Variants in HS2ST1 observed in about 807,000 individuals in gnomAD.
The protein encoded by HS2ST1 is 2-O-sulfotransferase.
HS2ST1 carries 18 observed loss-of-function variants against 42.9 expected under a neutral mutation model. That is an observed-to-expected ratio of 0.42 (90% CI 0.29 to 0.62). HS2ST1 has a LOEUF of 0.62. Ranked by LOEUF, HS2ST1 falls within the 20% of genes least tolerant of loss-of-function variation. The probability of loss-of-function intolerance (pLI) is 0.21; values close to 1 mark genes in which losing one functional copy is unlikely to be tolerated. For missense variants in HS2ST1, 334 were observed against 433.8 expected (o/e 0.77, Z 2.04); for synonymous variants, 146 against 152.9 (o/e 0.95, Z 0.33).
At chr1:86,971,483 G>A (rs61771704) in intron 1 of HS2ST1, among the ~76,000 whole-genome samples, 20,802 of 152,046 alleles carry the variant, frequency 0.14, 1,509 homozygotes, top group African/African-American at 0.18. Context: ...ACCTAGGGTG[G>A]GGTTTTATTA....
intron 1 of HS2ST1, among the ~76,000 whole-genome samples, chr1:87,005,807 AT>A (rs1341402644): frequency 6.6e-6 from 1 of 152,174 alleles, no homozygotes; most frequent in African/African-American, 2.4e-5. Context: ...GGATTCGCCT[AT>A]GATAAAATAA....
At chr1:86,945,778 T>C (rs923355749) in intron 1 of HS2ST1, among the ~76,000 whole-genome samples, 11 of 152,128 alleles carry the variant, frequency 7.2e-5, no homozygotes, top group Admixed American at 6.5e-5. Context: ...GATAACAAAA[T>C]AATTTCTTGG....
chr1:87,084,142 C>T (rs1296350829), intron 2 of HS2ST1, 52 bp from the exon 3 acceptor site: 2 of 1,180,584 alleles, frequency 1.7e-6, no homozygotes, highest in African/African-American at 1.6e-5. Context: ...TTGCTATCAT[C>T]AAATTTCATT....
chr1:86,960,118 C>T (rs1570447091), intron 1 of HS2ST1, among the ~76,000 whole-genome samples: 2 of 150,378 alleles, frequency 1.3e-5, no homozygotes, highest in Admixed American at 1.3e-4. Context: ...AGGTAGACCA[C>T]GAATATAGTA....
intron 1 of HS2ST1, among the ~76,000 whole-genome samples, chr1:87,026,689 C>G (rs2100592075): frequency 1.3e-5 from 2 of 152,158 alleles, no homozygotes; most frequent in East Asian, 1.9e-4. Context: ...CACAGGTAGA[C>G]TTTTTGCTGC....
intron 1 of HS2ST1, among the ~76,000 whole-genome samples, chr1:86,973,737 A>C (rs1648307476): frequency 6.6e-6 from 1 of 152,178 alleles, no homozygotes; most frequent in Non-Finnish European, 1.5e-5. Flanking sequence ...TATTGTAGGC[A>C]AATTATATTT....
intron 1 of HS2ST1, among the ~76,000 whole-genome samples, chr1:86,946,146 C>T (rs918487296): frequency 2.6e-5 from 4 of 152,048 alleles, no homozygotes; most frequent in African/African-American, 7.2e-5. Flanking sequence ...TTAATCCAAA[C>T]GTAGCATTGT....
intron 1 of HS2ST1, among the ~76,000 whole-genome samples, chr1:86,990,387 A>T (rs1432246517): frequency 1.3e-5 from 2 of 152,144 alleles, no homozygotes; most frequent in East Asian, 3.9e-4. Flanking sequence ...GTTCTTCAGA[A>T]ATTAAGCATC....
At chr1:87,015,348 G>GTT (rs35791774) in intron 1 of HS2ST1, among the ~76,000 whole-genome samples, 4,147 of 131,704 alleles carry the variant, frequency 0.031, 144 homozygotes, top group African/African-American at 0.085. Context: ...GCCTGGCCCT[G>GTT]TTTTTTTTTT....
chr1:87,095,278 A>C (rs1444307613), intron 4 of HS2ST1, among the ~76,000 whole-genome samples: 1 of 152,154 alleles, frequency 6.6e-6, no homozygotes, highest in African/African-American at 2.4e-5. Context: ...AATGGCGCTT[A>C]TTCTCAAAAA....
intron 1 of HS2ST1, among the ~76,000 whole-genome samples, chr1:86,981,025 C>G (rs1327383242): frequency 2.0e-5 from 3 of 151,978 alleles, no homozygotes; most frequent in Non-Finnish European, 4.4e-5. Flanking sequence ...GCTAGGGAGG[C>G]CTCAGGAAAC....
chr1:86,937,277 TATTA>T (rs952112488), intron 1 of HS2ST1, among the ~76,000 whole-genome samples: 2 of 152,138 alleles, frequency 1.3e-5, no homozygotes, highest in Non-Finnish European at 2.9e-5. Flanking sequence ...CTTCCAGAGG[TATTA>T]ATTAAGTATA....
At chr1:86,999,688 T>C (rs942639268) in intron 1 of HS2ST1, among the ~76,000 whole-genome samples, 3 of 65,732 alleles carry the variant, frequency 4.6e-5, no homozygotes, top group African/African-American at 1.0e-4. Flanking sequence ...TTTCAAATTA[T>C]GCTTTCCCCC....
At chr1:87,028,514 TA>T (rs1271234245) in intron 1 of HS2ST1, among the ~76,000 whole-genome samples, 2 of 152,248 alleles carry the variant, frequency 1.3e-5, no homozygotes, top group African/African-American at 4.8e-5. Context: ...TCTGTTTTTT[TA>T]AAAGAGCGTT....
intron 1 of HS2ST1, among the ~76,000 whole-genome samples, chr1:86,918,213 T>C (rs1419157872): frequency 6.8e-6 from 1 of 147,832 alleles, no homozygotes; most frequent in African/African-American, 2.5e-5. Flanking sequence ...TAGGAATTCC[T>C]AAAAAAAAAA....
At chr1:86,972,001 A>G (rs937295013) in intron 1 of HS2ST1, among the ~76,000 whole-genome samples, 6 of 152,224 alleles carry the variant, frequency 3.9e-5, no homozygotes, top group Non-Finnish European at 8.8e-5. Context: ...ACCACATTCT[A>G]TACTGATTTA....
intron 1 of HS2ST1, among the ~76,000 whole-genome samples, chr1:87,005,102 AT>A (rs1015923438): frequency 4.0e-5 from 6 of 151,610 alleles, no homozygotes; most frequent in Non-Finnish European, 7.4e-5. Flanking sequence ...CTCTGGTAAG[AT>A]TTTTTTTTCT....
intron 1 of HS2ST1, among the ~76,000 whole-genome samples, chr1:86,932,658 C>T (rs1165366712): frequency 6.6e-6 from 1 of 152,036 alleles, no homozygotes; most frequent in African/African-American, 2.4e-5. Flanking sequence ...TAATAGGAAG[C>T]AAGCAGGATA....
chr1:86,928,000 A>G (rs954898342), intron 1 of HS2ST1, among the ~76,000 whole-genome samples: 1 of 152,112 alleles, frequency 6.6e-6, no homozygotes, highest in Non-Finnish European at 1.5e-5. Context: ...TGCTTTCAAA[A>G]TAATGCTTTA....
Sources: allele counts gnomAD v4.1 joint callset (sites outside exome capture counted in the v4.1 genomes callset), GRCh38; gene constraint gnomAD v4.1.1; transcripts MANE v1.5; gene names NCBI Gene and HGNC (gene_info 2026-07-23, HGNC 2026-07-21).